LRBA: variants seen among roughly 807,000 people sequenced by gnomAD.
LRBA encodes the protein LPS responsive beige-like anchor protein, also known as lipopolysaccharide-responsive and beige-like anchor protein.
Under a neutral mutation model 330.0 loss-of-function variants are expected in LRBA, and 176 were observed. That is an observed-to-expected ratio of 0.53 (90% CI 0.47 to 0.60). LRBA has a LOEUF of 0.60. LRBA is among the 20% of genes least tolerant of loss of function. The probability of loss-of-function intolerance (pLI) is 0.00; values close to 1 mark genes in which losing one functional copy is unlikely to be tolerated. For missense variants in LRBA, 3,259 were observed against 3,444.8 expected (o/e 0.95, Z 1.35); for synonymous variants, 1,230 against 1,193.0 (o/e 1.03, Z -0.64).
chr4:150,663,864 A>T (rs1356465026), intron 37 of LRBA, among the ~76,000 whole-genome samples: 1 of 152,222 alleles, frequency 6.6e-6, no homozygotes, highest in Non-Finnish European at 1.5e-5. Flanking sequence ...AGAAGAGGCA[A>T]TGGCTGATAA....
At chr4:150,896,280 T>A in intron 16 of LRBA, 114 bp downstream of exon 16, 1 of 583,572 alleles carries the variant, frequency 1.7e-6, no homozygotes, top group Admixed American at 3.7e-5. Context: ...GTAGACACAT[T>A]TACTCCCCAT....
At chr4:150,998,748 G>A (rs1742992188) in intron 2 of LRBA, among the ~76,000 whole-genome samples, 1 of 152,012 alleles carries the variant, frequency 6.6e-6, no homozygotes, top group Non-Finnish European at 1.5e-5. Context: ...GTAATACAAG[G>A]TTGCTTTCTA....
At chr4:150,734,161 C>T (rs553338265) in intron 36 of LRBA, among the ~76,000 whole-genome samples, 12 of 152,056 alleles carry the variant, frequency 7.9e-5, no homozygotes, top group South Asian at 4.2e-4. Context: ...AGTTTTAATA[C>T]GGCTGGCAGC....
chr4:150,966,517 G>A (rs577508682), intron 2 of LRBA, among the ~76,000 whole-genome samples: 39 of 145,192 alleles, frequency 2.7e-4, no homozygotes, highest in African/African-American at 9.3e-4. Flanking sequence ...TGGTAGAGAC[G>A]GGGTTTCACC....
intron 40 of LRBA, among the ~76,000 whole-genome samples, chr4:150,540,356 G>A (rs963262586): frequency 6.6e-6 from 1 of 152,164 alleles, no homozygotes; most frequent in Non-Finnish European, 1.5e-5. Flanking sequence ...CACCACACCC[G>A]GCTAATTTTT....
intron 43 of LRBA, among the ~76,000 whole-genome samples, chr4:150,468,155 T>C (rs1176574070): frequency 6.6e-6 from 1 of 152,088 alleles, no homozygotes; most frequent in Non-Finnish European, 1.5e-5. Context: ...TTTATGACTT[T>C]AAAAAGCTAT....
At chr4:150,996,093 A>C (rs2149638181) in intron 2 of LRBA, among the ~76,000 whole-genome samples, 2 of 150,726 alleles carry the variant, frequency 1.3e-5, no homozygotes, top group South Asian at 4.2e-4. Context: ...AAAAGTCAAG[A>C]TGGAATTACC....
At chr4:151,013,508 A>G (rs1343741944) in intron 2 of LRBA, 3 of 152,204 alleles carry the variant, frequency 2.0e-5, no homozygotes, top group Non-Finnish European at 2.9e-5. Flanking sequence ...CTCTAAATAA[A>G]TAAGTTAATG....
chr4:150,281,016 G>C (rs1195709609), intron 55 of LRBA, among the ~76,000 whole-genome samples: 1 of 152,240 alleles, frequency 6.6e-6, no homozygotes, highest in Non-Finnish European at 1.5e-5. Flanking sequence ...GCAGAGAGGA[G>C]AAGCATGTGT....
intron 47 of LRBA, among the ~76,000 whole-genome samples, chr4:150,376,787 T>C (rs1040838246): frequency 6.6e-6 from 1 of 152,076 alleles, no homozygotes; most frequent in Non-Finnish European, 1.5e-5. Flanking sequence ...CCCCGGGTGT[T>C]TTTGTTTTGT....
chr4:150,751,481 C>T (rs1379790439), intron 35 of LRBA, among the ~76,000 whole-genome samples: 4 of 151,558 alleles, frequency 2.6e-5, no homozygotes, highest in Non-Finnish European at 4.4e-5. Context: ...TATCTATATG[C>T]CTATTTTCCT....
chr4:150,373,170 T>TGAGAGAGAGA (rs1222034309), intron 47 of LRBA, among the ~76,000 whole-genome samples: 5 of 111,488 alleles, frequency 4.5e-5, no homozygotes, highest in African/African-American at 1.4e-4. Flanking sequence ...TGTGTGTGTG[T>TGAGAGAGAGA]GTGAGAGAGA....
At chr4:151,010,962 C>T (rs1333226843) in intron 2 of LRBA, among the ~76,000 whole-genome samples, 2 of 150,638 alleles carry the variant, frequency 1.3e-5, no homozygotes, top group Admixed American at 6.6e-5. Flanking sequence ...CTGAGGCAGG[C>T]GGATCACGAG....
Position 150,514,502 on chromosome 4 carries a change from C to A in LRBA, c.6331-23467G>T, listed in dbSNP as rs2152142669. Reference sequence around the variant, plus strand: ...TCTGCACAAGAAATGCAGAAAAAAACTTGTAAAACTATTCAGCAGGTTAAT... The same window carrying A: ...TCTGCACAAGAAATGCAGAAAAAAAATTGTAAAACTATTCAGCAGGTTAAT... On this transcript the variant is annotated intron_variant, in intron 40 of 56. Transcript: ENST00000651943. 1.3e-5 allele frequency among the ~76,000 whole-genome samples: 2 copies of A among 152,260 alleles called. 1 individual carries two copies. Among genetic ancestry groups the A allele is most frequent in the South Asian group, 4.2e-4 (2 of 4,818 alleles).
At chr4:150,380,115 G>A (rs572952863) in intron 47 of LRBA, among the ~76,000 whole-genome samples, 2 of 151,222 alleles carry the variant, frequency 1.3e-5, no homozygotes, top group East Asian at 1.9e-4. Context: ...GGAGGCAGAG[G>A]TTGCAGTGAG....
intron 28 of LRBA, among the ~76,000 whole-genome samples, chr4:150,835,029 C>G (rs1747807836): frequency 6.6e-6 from 1 of 152,190 alleles, no homozygotes; most frequent in Non-Finnish European, 1.5e-5. Flanking sequence ...ATATGGCTAG[C>G]TAGTTTTCCC....
At chr4:150,469,422 A>T (rs189646987) in intron 43 of LRBA, among the ~76,000 whole-genome samples, 9 of 152,306 alleles carry the variant, frequency 5.9e-5, no homozygotes, top group African/African-American at 2.2e-4. Context: ...GCACAATAAA[A>T]GCTATTTGAG....
At chr4:150,400,617 G>A (rs1345653984) in intron 47 of LRBA, among the ~76,000 whole-genome samples, 1 of 152,160 alleles carries the variant, frequency 6.6e-6, no homozygotes, top group African/African-American at 2.4e-5. Flanking sequence ...ACTTTGGGAG[G>A]ACAAGGAGGG....
intron 37 of LRBA, among the ~76,000 whole-genome samples, chr4:150,662,293 A>G (rs1486157394): frequency 6.6e-6 from 1 of 152,274 alleles, no homozygotes; most frequent in East Asian, 1.9e-4. Flanking sequence ...AGCATTTGCT[A>G]TTCGCAGAGG....
Sources: gnomAD v4.1 joint callset for allele counts (sites outside exome capture counted in the v4.1 genomes callset) on GRCh38, gnomAD v4.1.1 for gene constraint, MANE v1.5 for transcripts, NCBI Gene and HGNC (gene_info 2026-07-23, HGNC 2026-07-21) for gene names.